Variants in ZNF609 observed in about 807,000 individuals in gnomAD.
ZNF609 encodes the protein zinc finger protein 609.
Under a neutral mutation model 109.5 loss-of-function variants are expected in ZNF609, and 11 were observed. The observed-to-expected ratio is 0.10, with a 90% CI of 0.06 to 0.17. ZNF609 has a LOEUF of 0.17. Ranked by LOEUF, ZNF609 falls within the 10% of genes least tolerant of loss-of-function variation. ZNF609 has a pLI of 1.00. For synonymous variants in ZNF609, 646 were observed against 662.0 expected (o/e 0.98, Z 0.37); for missense variants, 1,559 against 1,772.4 (o/e 0.88, Z 2.16).
intron 3 of ZNF609, chr15:64,631,247 C>T: frequency 1.5e-6 from 1 of 648,588 alleles, no homozygotes; most frequent in East Asian, 3.2e-5. Flanking sequence ...CTTTCTTTTT[C>T]TGATCATTTT....
chr15:64,570,956 G>A (rs1894850788), intron 2 of ZNF609, among the ~76,000 whole-genome samples: 1 of 152,168 alleles, frequency 6.6e-6, no homozygotes, highest in Non-Finnish European at 1.5e-5. Flanking sequence ...AACCTGGGAG[G>A]CGGAAGTTGC....
intron 3 of ZNF609, among the ~76,000 whole-genome samples, chr15:64,637,160 A>G (rs1896188925): frequency 6.6e-6 from 1 of 152,208 alleles, no homozygotes; most frequent in South Asian, 2.1e-4. Flanking sequence ...TCATTACAGT[A>G]TGAGCTTTTT....
chr15:64,495,582 G>C (rs1893470664), intron 1 of ZNF609, among the ~76,000 whole-genome samples: 1 of 151,808 alleles, frequency 6.6e-6, no homozygotes, highest in Admixed American at 6.6e-5. Flanking sequence ...TGTATTTTTA[G>C]TAGAGAAAGG....
intron 3 of ZNF609, among the ~76,000 whole-genome samples, chr15:64,648,184 C>A (rs982947315): frequency 2.0e-5 from 3 of 152,026 alleles, no homozygotes; most frequent in African/African-American, 7.2e-5. Context: ...TGTGAGGCAG[C>A]GTAGTTAAAA....
At chr15:64,479,547 TC>T (rs1406307965) in intron 1 of ZNF609, among the ~76,000 whole-genome samples, 11 of 151,818 alleles carry the variant, frequency 7.2e-5, no homozygotes, top group African/African-American at 2.7e-4. Context: ...CATCTCGACC[TC>T]CCAAAGTGCT....
intron 3 of ZNF609, among the ~76,000 whole-genome samples, chr15:64,630,726 C>G (rs1437196910): frequency 6.6e-6 from 1 of 151,868 alleles, no homozygotes; most frequent in Admixed American, 6.6e-5. Context: ...CCTCAGCCTC[C>G]CAAAGTGCTA....
rs975646100 is a variant in ZNF609, at chr15:64,528,405, A to T, written c.747+28239A>T. Among the ~76,000 whole-genome samples the T allele has an allele frequency of 5.5e-4, 83 of 150,142 alleles. 1 individual carries two copies. The highest frequency in any genetic ancestry group is 8.4e-4 in the South Asian group (4 of 4,788). ...ATTTATTATTATTATTATTATTATT[A>T]TTTTTAATTTTTTGTGGGTTTTTTT... On this transcript the variant is annotated intron_variant, in intron 2 of 9. Transcript: ENST00000326648.
At chr15:64,581,092 C>T (rs1017103520) in intron 2 of ZNF609, among the ~76,000 whole-genome samples, 1 of 149,978 alleles carries the variant, frequency 6.7e-6, no homozygotes, top group Admixed American at 6.7e-5. Flanking sequence ...CAGTTACACT[C>T]ATAGCACACT....
intron 2 of ZNF609, among the ~76,000 whole-genome samples, chr15:64,545,826 G>A (rs1894350043): frequency 1.3e-5 from 2 of 152,084 alleles, no homozygotes; most frequent in Non-Finnish European, 2.9e-5. Context: ...TGTCTATGTT[G>A]TTGCATTTAT....
chr15:64,564,747 G>A (rs1019418854), intron 2 of ZNF609, among the ~76,000 whole-genome samples: 2 of 151,896 alleles, frequency 1.3e-5, no homozygotes, highest in African/African-American at 2.4e-5. Context: ...ATACGTATAA[G>A]AGCATGTCAA....
intron 4 of ZNF609, 124 bp downstream of exon 4, chr15:64,670,557 G>A (rs1896710720): frequency 4.9e-6 from 4 of 809,386 alleles, no homozygotes; most frequent in Non-Finnish European, 8.3e-6. Flanking sequence ...TAGATACCAG[G>A]GAAAGCACTG....
chr15:64,474,617 A>C (rs1178363250), intron 1 of ZNF609, among the ~76,000 whole-genome samples: 3 of 152,080 alleles, frequency 2.0e-5, no homozygotes, highest in East Asian at 1.9e-4. Context: ...CTGTATTATA[A>C]TTTTTATTTA....
chr15:64,676,566 G>C (rs942336822), intron 5 of ZNF609, among the ~76,000 whole-genome samples: 15 of 151,616 alleles, frequency 9.9e-5, no homozygotes, highest in African/African-American at 3.6e-4. Context: ...GAGTAGCTGA[G>C]ATTACAGGCA....
intron 2 of ZNF609, among the ~76,000 whole-genome samples, chr15:64,549,990 G>T (rs1482856922): frequency 6.6e-6 from 1 of 151,952 alleles, no homozygotes; most frequent in East Asian, 1.9e-4. Context: ...AGAGACAAGG[G>T]TCTTGCTATA....
chr15:64,557,804 C>T (rs1291849242), intron 2 of ZNF609, among the ~76,000 whole-genome samples: 3 of 152,272 alleles, frequency 2.0e-5, no homozygotes, highest in Admixed American at 2.0e-4. Flanking sequence ...TCACGCCGTT[C>T]TCCTGCCTCA....
chr15:64,680,562 TG>T (rs1225568023), intron 7 of ZNF609, 83 bp from the exon 8 acceptor site: 12 of 371,212 alleles, frequency 3.2e-5, no homozygotes, highest in Admixed American at 6.1e-5. Context: ...GCATCTCACT[TG>T]TGTGTGTGTG....
chr15:64,487,673 C>G (rs1214725875), intron 1 of ZNF609, among the ~76,000 whole-genome samples: 1 of 151,810 alleles, frequency 6.6e-6, no homozygotes, highest in Non-Finnish European at 1.5e-5. Context: ...TGCTCTGTCG[C>G]CCCGGCTGGA....
intron 4 of ZNF609, among the ~76,000 whole-genome samples, chr15:64,672,224 G>A (rs866659203): frequency 1.3e-5 from 2 of 149,588 alleles, no homozygotes; most frequent in Admixed American, 1.3e-4. Flanking sequence ...GTTTTAGCCA[G>A]GATGGTCTCG....
chr15:64,500,577 A>G (rs952366719), intron 2 of ZNF609: 1 of 601,736 alleles, frequency 1.7e-6, no homozygotes, highest in Non-Finnish European at 2.9e-6. Context: ...GCCTTTGGTG[A>G]TAATGTAGAT....
Sources: gnomAD v4.1 joint callset for allele counts (sites outside exome capture counted in the v4.1 genomes callset) on GRCh38, gnomAD v4.1.1 for gene constraint, MANE v1.5 for transcripts, NCBI Gene and HGNC (gene_info 2026-07-23, HGNC 2026-07-21) for gene names.